UNG: variants seen among roughly 807,000 people sequenced by gnomAD.
UNG encodes uracil-DNA glycosylase.
Under a neutral mutation model 36.5 loss-of-function variants are expected in UNG, and 34 were observed. The observed-to-expected ratio is 0.93, with a 90% CI of 0.71 to 1.24. The LOEUF is 1.24. UNG is among the 50% of genes most tolerant of loss of function. UNG has a pLI of 0.00. For missense variants in UNG, 391 were observed against 397.6 expected (o/e 0.98, Z 0.14); for synonymous variants, 172 against 157.8 (o/e 1.09, Z -0.67).
chr12:109,107,258 T>C (rs988249707), intron 6 of UNG, among the ~76,000 whole-genome samples: 2 of 152,130 alleles, frequency 1.3e-5, no homozygotes, highest in Non-Finnish European at 2.9e-5. Context: ...TGGAATGCAC[T>C]GGCTTGATCT....
intron 6 of UNG, among the ~76,000 whole-genome samples, chr12:109,109,556 G>A (rs868078486): frequency 2.0e-5 from 3 of 151,696 alleles, no homozygotes; most frequent in Non-Finnish European, 4.4e-5. Context: ...AGGCCAAGGC[G>A]AGCGGATCAC....
intron 6 of UNG, among the ~76,000 whole-genome samples, chr12:109,105,775 C>G (rs1184653007): frequency 6.6e-6 from 1 of 152,182 alleles, no homozygotes; most frequent in Non-Finnish European, 1.5e-5. Flanking sequence ...GTTCTTTCTT[C>G]CCCCTCCAAA....
intron 1 of UNG, 124 bp from the exon 2 acceptor site, chr12:109,098,308 G>A: frequency 6.3e-7 from 1 of 1,590,710 alleles, no homozygotes; most frequent in Admixed American, 1.8e-5. Flanking sequence ...GTCCGCTTTT[G>A]CTGGGACCTG....
chr12:109,109,097 C>T (rs1438656227), intron 6 of UNG, among the ~76,000 whole-genome samples: 1 of 152,164 alleles, frequency 6.6e-6, no homozygotes, highest in African/African-American at 2.4e-5. Context: ...GGTTATATGT[C>T]ATAAATATAT....
At position 109,103,485 on chromosome 12, in the gene UNG, T is replaced by C; in HGVS notation, c.675T>C (p.Ser225=). 6.2e-7 allele frequency: 1 copy of C among 1,614,204 alleles called. No homozygotes were observed. The highest frequency in any genetic ancestry group is 8.5e-7 in the Non-Finnish European group (1 of 1,180,040). The change falls in exon 6 of 7, where the codon TCT becomes TCC. Residue 225 remains serine (S), a synonymous_variant. Transcript: ENST00000242576. ...CGGTTCGTGCCCATCAAGCCAACTC[T>C]CATAAGGAGCGAGGCTGGGAGCAGT... is the stretch of plus-strand genomic sequence containing the variant. The part of the protein sequence containing the change: ...VLTVRAHQAN[S]HKERGWEQFT...
chr12:109,106,850 A>T, intron 6 of UNG, among the ~76,000 whole-genome samples: 1 of 27,256 alleles, frequency 3.7e-5, no homozygotes, highest in Non-Finnish European at 8.5e-5. Context: ...CTGGCAACAG[A>T]GTGAGACTCT....
At chr12:109,098,410 C>G in intron 1 of UNG, 22 bp from the exon 2 acceptor site, 1 of 1,605,026 alleles carries the variant, frequency 6.2e-7, no homozygotes, top group Non-Finnish European at 8.5e-7. Context: ...TCTTGAGCCG[C>G]CTCTGCGGGG....
chr12:109,104,402 A>G (rs1373790512), intron 6 of UNG, among the ~76,000 whole-genome samples: 1 of 151,886 alleles, frequency 6.6e-6, no homozygotes, highest in Non-Finnish European at 1.5e-5. Flanking sequence ...AACACGACCA[A>G]ACCAGTGGCT....
chr12:109,098,183 C>A (rs1476123978), intron 1 of UNG: 5 of 1,421,948 alleles, frequency 3.5e-6, no homozygotes. Flanking sequence ...TGCAGGGTTC[C>A]CAGTCACCGC....
intron 6 of UNG, among the ~76,000 whole-genome samples, chr12:109,109,300 G>A (rs1420724832): frequency 6.6e-6 from 1 of 152,166 alleles, no homozygotes; most frequent in Non-Finnish European, 1.5e-5. Flanking sequence ...TTGCCAACTT[G>A]AAGGCAGAGG....
At chr12:109,105,722 C>G (rs2042210667) in intron 6 of UNG, among the ~76,000 whole-genome samples, 1 of 152,208 alleles carries the variant, frequency 6.6e-6, no homozygotes, top group Non-Finnish European at 1.5e-5. Flanking sequence ...CCTCTTCTGT[C>G]CTTTTTTTCC....
chr12:109,103,545 C>T lies in UNG; in HGVS notation c.735C>T (p.Asn245=). ...CAGTTGTGTCCTGGCTAAATCAGAACTCGAATGGCCTTGTTTTCTTGCTCT... is the reference window on the plus strand; with the variant it reads ...CAGTTGTGTCCTGGCTAAATCAGAATTCGAATGGCCTTGTTTTCTTGCTCT... ...TDAVVSWLNQ[N]SNGLVFLLWG... The change falls in exon 6 of 7, where the codon AAC becomes AAT. Residue 245 remains asparagine (N), a synonymous_variant. Coordinates refer to ENST00000242576, the MANE Select transcript of UNG (RefSeq NM_080911.3). The T allele has an allele frequency of 6.2e-7, 1 of 1,614,136 alleles. No homozygotes were observed. Among genetic ancestry groups the T allele is most frequent in the African/African-American group, 1.3e-5 (1 of 75,016 alleles).
intron 1 of UNG, 194 bp from the exon 2 acceptor site, chr12:109,098,238 C>A (rs906973817): frequency 3.4e-6 from 5 of 1,490,208 alleles, no homozygotes; most frequent in Non-Finnish European, 4.4e-6. Flanking sequence ...CCCGTCTCCC[C>A]GCTCCAGTTT....
Position 109,110,109 on chromosome 12 carries a change from C to A in UNG, c.*140C>A. 1.6e-6 allele frequency: 2 copies of A among 1,212,812 alleles called. No individual in the cohort carries two copies. Among genetic ancestry groups the A allele is most frequent in the Non-Finnish European group, 2.3e-6 (2 of 855,212 alleles). The allele number at this position is 1,212,812 out of a possible 1,614,324, so 75.1% of individuals were successfully genotyped here. On this transcript the variant is annotated 3_prime_UTR_variant, in exon 7 of 7. Transcript: ENST00000242576. ...TTCCAGAAAGCAGCCATGAACCAGG[C>A]TGTCCAGGAATGGCAGCTGTATCCA...
intron 6 of UNG, among the ~76,000 whole-genome samples, chr12:109,107,811 C>G (rs1228062799): frequency 6.6e-6 from 1 of 152,050 alleles, no homozygotes; most frequent in Non-Finnish European, 1.5e-5. Context: ...AGGTGTGAGC[C>G]ACCACGCCCG....
chr12:109,109,688 CAGG>C (rs2042245135), intron 6 of UNG, 138 bp from the exon 7 acceptor site: 1 of 1,004,622 alleles, frequency 1.0e-6, no homozygotes, highest in African/African-American at 1.7e-5. Context: ...GAAGCTGAGG[CAGG>C]AGAATCGCTT....
rs916706101 is a variant in UNG, at chr12:109,110,390, C to G, written c.*421C>G. 1.3e-5 allele frequency: 3 copies of G among 239,336 alleles called. No individual in the cohort carries two copies. Among genetic ancestry groups the G allele is most frequent in the Non-Finnish European group, 2.5e-5 (3 of 120,100 alleles). 14.8% of individuals were successfully genotyped at this position (239,336 alleles called of 1,614,324 possible). On this transcript the variant is annotated 3_prime_UTR_variant, in exon 7 of 7. Transcript: ENST00000242576. ...TTTTTGCTTAGAAAGGTCCCCTTGT[C>G]TCAGCCTTGCAGGGCAGGCATGCCA...
intron 6 of UNG, among the ~76,000 whole-genome samples, chr12:109,106,923 A>ACATATACACACATATATATATACG (rs1331349449): frequency 7.9e-6 from 1 of 126,536 alleles, no homozygotes; most frequent in African/African-American, 3.2e-5. Flanking sequence ...ATATGTGTAT[A>ACATATACACACATATATATATACG]TATATATATA....
In UNG at chr12:109,101,939, G is replaced by A. The variant is rs1228078422; in HGVS notation, c.473G>A (p.Gly158Glu). Residue 158 changes from glycine to glutamate, a missense_variant, in exon 4 of 7, where the codon GGA becomes GAA. Transcript: ENST00000242576. Reference sequence around the variant, plus strand: ...ATCCTGGGACAGGATCCATATCATGGACCTAATCAAGCTCACGGGCTCTGC... The same window carrying A: ...ATCCTGGGACAGGATCCATATCATGAACCTAATCAAGCTCACGGGCTCTGC... ...VVILGQDPYH[G>E]PNQAHGLCFS... The A allele has an allele frequency of 6.2e-7, 1 of 1,613,934 alleles. No homozygotes were observed. The highest frequency in any genetic ancestry group is 8.5e-7 in the Non-Finnish European group (1 of 1,180,006).
Sources: allele counts gnomAD v4.1 joint callset (sites outside exome capture counted in the v4.1 genomes callset), GRCh38; gene constraint gnomAD v4.1.1; transcripts MANE v1.5; gene names NCBI Gene and HGNC (gene_info 2026-07-23, HGNC 2026-07-21).